ZFC3H1: variants seen among roughly 807,000 people sequenced by gnomAD.
ZFC3H1 encodes the protein zinc finger C3H1 domain-containing protein.
A neutral mutation model predicts 243.7 loss-of-function variants in ZFC3H1; 71 were observed. The ratio of observed to expected loss-of-function variants is 0.29; its 90% CI spans 0.24 to 0.36. The LOEUF (loss-of-function observed/expected upper bound fraction) is 0.36. Among genes scored for constraint, ZFC3H1 ranks in the 10% least tolerant of loss-of-function variants. The pLI, the probability that ZFC3H1 is intolerant of heterozygous loss-of-function variation, is 1.00. For missense variants in ZFC3H1, 1,966 were observed against 2,317.1 expected (o/e 0.85, Z 3.11); for synonymous variants, 838 against 813.0 (o/e 1.03, Z -0.52).
In ZFC3H1 at chr12:71,662,959, C is replaced by T. The variant is rs1881225860; in HGVS notation, c.598+54G>A. ...ACTCGTCTCACAGACCTAGTAATGA[C>T]GCTAAAGGGAACTTTAGTGACACAC... On this transcript the variant is annotated intron_variant, in intron 1 of 34. Coordinates refer to ENST00000378743, the MANE Select transcript of ZFC3H1 (RefSeq NM_144982.5). 4 of 1,500,364 alleles carry T rather than the reference C, an allele frequency of 2.7e-6. No individual in the cohort carries two copies. The South Asian group carries it at 5.0e-5, about 19-fold the overall frequency. The allele number at this position is 1,500,364 out of a possible 1,614,324, so 92.9% of individuals were successfully genotyped here.
chr12:71,641,096 T>A (rs952975418), intron 6 of ZFC3H1, among the ~76,000 whole-genome samples: 1 of 152,164 alleles, frequency 6.6e-6, no homozygotes, highest in Admixed American at 6.5e-5. Context: ...TTAGAGAGTA[T>A]GTTCTCTATA....
At chr12:71,627,629 C>CA in intron 21 of ZFC3H1, 122 bp downstream of exon 21, 9 of 936,166 alleles carry the variant, frequency 9.6e-6, no homozygotes, top group Non-Finnish European at 1.4e-5. Flanking sequence ...TTGGCTTTGT[C>CA]AAAAAACAAA....
At position 71,634,902 on chromosome 12, in the gene ZFC3H1, T is replaced by C. The variant is rs11178880; in HGVS notation, c.2239-77A>G. 3.3e-4 allele frequency: 488 copies of C among 1,482,654 alleles called. 2 individuals carry two copies. The East Asian group carries it at 9.6e-3, about 29-fold the overall frequency. The allele number at this position is 1,482,654 out of a possible 1,614,324, so 91.8% of individuals were successfully genotyped here. On this transcript the variant is annotated intron_variant, in intron 10 of 34. Coordinates refer to ENST00000378743, the MANE Select transcript of ZFC3H1 (RefSeq NM_144982.5). ...TCCATACTAAGATTTATATTTTACA[T>C]TGCAACCCAGTGTATACTGAATTTA... is the stretch of plus-strand genomic sequence containing the variant.
Position 71,620,045 on chromosome 12 carries a change from C to T in ZFC3H1, c.4930G>A (p.Ala1644Thr), listed in dbSNP as rs1270213987. The T allele has an allele frequency of 3.7e-6, 6 of 1,613,186 alleles. No homozygotes were observed. The highest frequency in any genetic ancestry group is 5.1e-6 in the Non-Finnish European group (6 of 1,179,890). Residue 1644 changes from alanine to threonine, a missense_variant, in exon 26 of 35, where the codon GCA becomes ACA. Ala to Thr is a moderately conservative substitution (Grantham distance 58). Coordinates refer to ENST00000378743, the MANE Select transcript of ZFC3H1 (RefSeq NM_144982.5). ...INCQLLEALV[A>T]LYLQTNQHDK... ...TGCTGATTTGTTTGCAAATATAATG[C>T]AACAAGAGCTTCCAGCAACTGGCAG...
intron 14 of ZFC3H1, 145 bp downstream of exon 14, chr12:71,632,741 T>C (rs1423459398): frequency 7.6e-7 from 1 of 1,317,466 alleles, no homozygotes; most frequent in Non-Finnish European, 1.0e-6. Flanking sequence ...CATCCAAAAA[T>C]GTGGATGTCA....
intron 1 of ZFC3H1, among the ~76,000 whole-genome samples, chr12:71,658,809 G>C (rs1189605361): frequency 1.3e-5 from 2 of 152,066 alleles, no homozygotes; most frequent in Non-Finnish European, 2.9e-5. Context: ...GTAAATCTCT[G>C]GTTCTCTGAT....
rs558154283 is a variant in ZFC3H1, at chr12:71,640,874, T to C, written c.1627+1562A>G. Among the ~76,000 whole-genome samples, 410 of 150,942 alleles carry C rather than the reference T, an allele frequency of 2.7e-3. 1 individual carries two copies. The highest frequency in any genetic ancestry group is 6.5e-3 in the South Asian group (31 of 4,742). On this transcript the variant is annotated intron_variant, in intron 6 of 34. Transcript: ENST00000378743. The stretch of plus-strand genomic sequence containing the variant: ...ATTTGAATTCTCTTGGTTTTTTTTT[T>C]CCCCCGCCCGGCGAAAAACTCTATA...
At chr12:71,640,845 C>A (rs956684383) in intron 6 of ZFC3H1, among the ~76,000 whole-genome samples, 2 of 151,862 alleles carry the variant, frequency 1.3e-5, no homozygotes, top group African/African-American at 4.8e-5. Context: ...TAGTTTTTTA[C>A]CGTATTTGAA....
chr12:71,631,009 A>G (rs754660481), intron 16 of ZFC3H1, 55 bp from the exon 17 acceptor site: 61 of 1,444,584 alleles, frequency 4.2e-5, no homozygotes, highest in Non-Finnish European at 5.3e-5. Context: ...TCCTCAGAAA[A>G]CTAAGAAAAC....
At chr12:71,621,647 A>T (rs1256079652) in intron 24 of ZFC3H1, among the ~76,000 whole-genome samples, 1 of 151,990 alleles carries the variant, frequency 6.6e-6, no homozygotes, top group African/African-American at 2.4e-5. Context: ...AATCATTTCC[A>T]CTTGAATGAC....
At chr12:71,649,455 C>A (rs987824669) in intron 2 of ZFC3H1, among the ~76,000 whole-genome samples, 1 of 152,178 alleles carries the variant, frequency 6.6e-6, no homozygotes, top group East Asian at 1.9e-4. Context: ...ATATTTCACA[C>A]TTTTTTTCTC....
Position 71,613,421 on chromosome 12 carries a change from A to G in ZFC3H1, c.5541T>C (p.Tyr1847=). ...YEFHNRVIFF[Y]LSCVPKTQHS... ...GCTGGGTCTTTGGAACACAGCTCAA[A>G]TAAAAGAAAATAACCTGTAAAGGTT... The change falls in exon 31 of 35, where the codon TAT becomes TAC. Residue 1847 remains tyrosine, a synonymous_variant. Coordinates refer to ENST00000378743, the MANE Select transcript of ZFC3H1 (RefSeq NM_144982.5). 6.2e-7 allele frequency: 1 copy of G among 1,606,860 alleles called. No homozygotes were observed. Among genetic ancestry groups the G allele is most frequent in the Non-Finnish European group, 8.5e-7 (1 of 1,175,836 alleles).
chr12:71,615,666 C>T (rs890512617), intron 27 of ZFC3H1, among the ~76,000 whole-genome samples: 2 of 151,988 alleles, frequency 1.3e-5, no homozygotes, highest in Admixed American at 6.6e-5. Flanking sequence ...TACAGGCATG[C>T]ATCACCACAC....
chr12:71,629,830 C>T (rs901879188), intron 18 of ZFC3H1, 120 bp from the exon 19 acceptor site: 6 of 615,794 alleles, frequency 9.7e-6, no homozygotes, highest in African/African-American at 5.6e-5. Context: ...TAGTCAATAA[C>T]ACCTATGGCA....
chr12:71,632,595 C>A (rs1321706976), intron 14 of ZFC3H1, 81 bp from the exon 15 acceptor site: 1 of 1,442,058 alleles, frequency 6.9e-7, no homozygotes, highest in East Asian at 2.3e-5. Flanking sequence ...GTGCTATCCC[C>A]ACCATACAAT....
At chr12:71,641,073 T>A (rs1027227223) in intron 6 of ZFC3H1, among the ~76,000 whole-genome samples, 4 of 152,114 alleles carry the variant, frequency 2.6e-5, no homozygotes, top group African/African-American at 9.7e-5. Flanking sequence ...AAATTAAAAT[T>A]TGACAAAGCC....
chr12:71,616,966 A>G (rs1320862726), intron 27 of ZFC3H1, among the ~76,000 whole-genome samples: 1 of 152,036 alleles, frequency 6.6e-6, no homozygotes, highest in African/African-American at 2.4e-5. Context: ...CCCCAAATTA[A>G]TTTTTCTGGC....
rs896471930 is a variant in ZFC3H1 at position 71,656,583 on chromosome 12, A to G, written c.1015+302T>C. On this transcript the variant is annotated intron_variant, in intron 2 of 34. Transcript: ENST00000378743. ...GGATACCTACAAAAAAATTAACATC[A>G]TATTTAATGGTAAATGTCAAAACCA... The G allele has an allele frequency of 7.9e-6, 5 of 636,490 alleles. No homozygotes were observed. In the Admixed American group the frequency reaches 1.2e-4, roughly 16 times the overall value. 39.4% of individuals were successfully genotyped at this position (636,490 alleles called of 1,614,324 possible).
chr12:71,633,416 A>T lies in ZFC3H1; in HGVS notation c.2533T>A (p.Ser845Thr), dbSNP rs774888009. The T allele has an allele frequency of 1.3e-6, 2 of 1,574,948 alleles. No individual in the cohort carries two copies. The highest frequency in any genetic ancestry group is 1.7e-6 in the Non-Finnish European group (2 of 1,162,568). ...TGTTGCACTAAATTCTTTAAAACAG[A>T]TTCATCTTTCATCAAGAGAATCCTA... is the stretch of plus-strand genomic sequence containing the variant. ...KHRILLMKDE[S>T]VLKNLVQQEA... Residue 845 changes from serine to threonine, a missense_variant, in exon 13 of 35, where the codon TCT becomes ACT. Ser to Thr is a moderately conservative substitution (Grantham distance 58, BLOSUM62 1). Coordinates refer to ENST00000378743, the MANE Select transcript of ZFC3H1 (RefSeq NM_144982.5).
Sources: allele counts gnomAD v4.1 joint callset (sites outside exome capture counted in the v4.1 genomes callset), GRCh38; gene constraint gnomAD v4.1.1; transcripts MANE v1.5; gene names NCBI Gene and HGNC (gene_info 2026-07-23, HGNC 2026-07-21).